Variants in ELMO1 observed in about 807,000 individuals in gnomAD.
ELMO1 encodes the protein engulfment and cell motility protein 1.
In ELMO1, 26 loss-of-function variants were observed where a neutral mutation model predicts 98.9. That is an observed-to-expected ratio of 0.26 (90% CI 0.19 to 0.36). ELMO1 has a LOEUF of 0.36. Among genes scored for constraint, ELMO1 ranks in the 10% least tolerant of loss-of-function variants. ELMO1 has a pLI of 1.00. For missense variants in ELMO1, 627 were observed against 935.2 expected (o/e 0.67, Z 4.30); for synonymous variants, 346 against 346.0 (o/e 1.00, Z 0.00).
At chr7:37,363,124 G>C (rs1474876238) in intron 1 of ELMO1, among the ~76,000 whole-genome samples, 1 of 152,034 alleles carries the variant, frequency 6.6e-6, no homozygotes, top group Non-Finnish European at 1.5e-5. Flanking sequence ...TGATGACTTC[G>C]GGGCCCTCTG....
At chr7:37,240,927 T>C (rs1794734711) in intron 7 of ELMO1, among the ~76,000 whole-genome samples, 1 of 152,126 alleles carries the variant, frequency 6.6e-6, no homozygotes. Context: ...ATAATGTATA[T>C]TTTGCTGTTA....
At chr7:37,122,881 A>G (rs889284728) in intron 14 of ELMO1, among the ~76,000 whole-genome samples, 9 of 152,148 alleles carry the variant, frequency 5.9e-5, no homozygotes, top group South Asian at 2.1e-4. Context: ...CCACATAGTT[A>G]GAAGTAAAGC....
intron 16 of ELMO1, among the ~76,000 whole-genome samples, chr7:36,914,606 C>T (rs778362116): frequency 1.3e-5 from 2 of 151,838 alleles, no homozygotes; most frequent in Non-Finnish European, 2.9e-5. Context: ...CTCCGCCTCC[C>T]GTGTTCAAGT....
At position 37,169,189 on chromosome 7, in the gene ELMO1, T is replaced by C. The variant is rs1171806937; in HGVS notation, c.1087-35955A>G. Among the ~76,000 whole-genome samples the C allele has an allele frequency of 2.0e-5, 3 of 152,296 alleles. No individual in the cohort carries two copies. The East Asian group carries it at 5.8e-4, about 29-fold the overall frequency. ...CTGGTGCGCCGTTTTTTAAGCCTGT[T>C]GGAAAAGCGCAGTATTCGGGTGGGA... is the stretch of plus-strand genomic sequence containing the variant. On this transcript the variant is annotated intron_variant, in intron 13 of 21. Transcript: ENST00000310758.
intron 15 of ELMO1, among the ~76,000 whole-genome samples, chr7:37,053,280 G>C (rs1263319007): frequency 8.3e-6 from 1 of 120,634 alleles, no homozygotes; most frequent in Non-Finnish European, 1.7e-5. Flanking sequence ...ATTTTCATTT[G>C]TTAAAACACA....
chr7:37,196,651 T>C (rs1791979444), intron 13 of ELMO1, among the ~76,000 whole-genome samples: 1 of 152,174 alleles, frequency 6.6e-6, no homozygotes, highest in Non-Finnish European at 1.5e-5. Context: ...CTTTCATCTA[T>C]TTCACTGCCT....
At position 37,437,805 on chromosome 7, in the gene ELMO1, T is replaced by TA. The variant is rs1805212562; in HGVS notation, c.-74+10869dup. On this transcript the variant is annotated intron_variant, in intron 1 of 21. Coordinates refer to ENST00000310758, the MANE Select transcript of ELMO1 (RefSeq NM_014800.11). The stretch of plus-strand genomic sequence containing the variant: ...TAACAAGGTGAAACCCCGTCTCTAC[T>TA]AAAAAAATACAAAAAAAATTAGCCG... Among the ~76,000 whole-genome samples the TA allele has an allele frequency of 3.6e-5, 2 of 55,406 alleles. 1 individual carries two copies. The highest frequency in any genetic ancestry group is 4.2e-4 in the Admixed American group (2 of 4,814). 36.3% of individuals were successfully genotyped at this position (55,406 alleles called of 152,430 possible). A position where few individuals can be genotyped will look rare whatever the true frequency, so the allele number is the denominator to read the frequency against.
At chr7:37,219,091 C>T (rs894363783) in intron 10 of ELMO1, among the ~76,000 whole-genome samples, 5 of 152,204 alleles carry the variant, frequency 3.3e-5, no homozygotes, top group Non-Finnish European at 7.3e-5. Flanking sequence ...CCCTTCCCTC[C>T]GTTTGTGCCA....
intron 7 of ELMO1, among the ~76,000 whole-genome samples, chr7:37,234,677 G>GGAT (rs10673256): frequency 0.24 from 36,336 of 151,752 alleles, 4,561 homozygotes; most frequent in Middle Eastern, 0.3. Flanking sequence ...TTAAAAATGG[G>GGAT]GATGATGATG....
At chr7:37,096,881 A>G (rs1000497415) in intron 14 of ELMO1, among the ~76,000 whole-genome samples, 154 bp from the exon 15 acceptor site, 2 of 152,220 alleles carry the variant, frequency 1.3e-5, no homozygotes, top group African/African-American at 4.8e-5. Context: ...CCAAGTATAC[A>G]GGACCGAAAA....
chr7:37,307,974 A>G (rs1468709709), intron 4 of ELMO1, among the ~76,000 whole-genome samples: 3 of 152,094 alleles, frequency 2.0e-5, no homozygotes, highest in Non-Finnish European at 1.5e-5. Flanking sequence ...TTAGCCGCGC[A>G]TGGTGGCACA....
chr7:37,115,226 AAGG>A (rs1209713665), intron 14 of ELMO1, among the ~76,000 whole-genome samples: 3 of 152,224 alleles, frequency 2.0e-5, no homozygotes, highest in African/African-American at 7.2e-5. Context: ...GTAGAAGCAG[AAGG>A]AGTAGTTCTT....
chr7:36,979,015 G>A (rs1430666810), intron 16 of ELMO1, among the ~76,000 whole-genome samples: 1 of 152,098 alleles, frequency 6.6e-6, no homozygotes, highest in Admixed American at 6.6e-5. Flanking sequence ...AAGATTGAAG[G>A]GGCAACATGG....
intron 20 of ELMO1, among the ~76,000 whole-genome samples, chr7:36,868,839 C>T (rs1466613198): frequency 1.3e-5 from 2 of 152,162 alleles, no homozygotes; most frequent in Non-Finnish European, 1.5e-5. Context: ...ACTCCCAGAC[C>T]CCTATTATTG....
chr7:37,293,943 TTGAG>T (rs1482048822), intron 4 of ELMO1, among the ~76,000 whole-genome samples: 1 of 152,070 alleles, frequency 6.6e-6, no homozygotes, highest in Non-Finnish European at 1.5e-5. Context: ...TTTGGTGTCA[TTGAG>T]TAAATTTTAT....
chr7:36,861,926 C>G, intron 20 of ELMO1, 190 bp from the exon 21 acceptor site: 1 of 607,192 alleles, frequency 1.6e-6, no homozygotes, highest in Non-Finnish European at 3.0e-6. Context: ...CCATTCACGG[C>G]GGTCTGTGAA....
intron 15 of ELMO1, chr7:37,033,307 C>T (rs1794982964): frequency 8.9e-6 from 4 of 447,144 alleles, no homozygotes; most frequent in South Asian, 1.6e-5. Flanking sequence ...TCTGCCTATG[C>T]TTTAATAAAA....
Position 36,959,258 on chromosome 7 carries a change from A to G in ELMO1, c.1437+54041T>C, listed in dbSNP as rs77327188. ...CCAGATCTGCAGCAGGGGCCTCCTCATCTGCCTCATGTCCCCTCATTCCCC... is the reference window on the plus strand; with the variant it reads ...CCAGATCTGCAGCAGGGGCCTCCTCGTCTGCCTCATGTCCCCTCATTCCCC... On this transcript the variant is annotated intron_variant, in intron 16 of 21. Transcript: ENST00000310758. Among the ~76,000 whole-genome samples the G allele has an allele frequency of 7.9e-3, 1,196 of 151,138 alleles. 14 individuals carry two copies. The highest frequency in any genetic ancestry group is 0.027 in the African/African-American group (1,116 of 41,130).
At chr7:37,445,245 T>C (rs1805563719) in intron 1 of ELMO1, among the ~76,000 whole-genome samples, 1 of 152,202 alleles carries the variant, frequency 6.6e-6, no homozygotes, top group African/African-American at 2.4e-5. Context: ...GTTGCACAAT[T>C]AGTAGCAAAC....
Sources: gnomAD v4.1 joint callset for allele counts (sites outside exome capture counted in the v4.1 genomes callset) on GRCh38, gnomAD v4.1.1 for gene constraint, MANE v1.5 for transcripts, NCBI Gene and HGNC (gene_info 2026-07-23, HGNC 2026-07-21) for gene names.